The following PDS5B variants were observed in gnomAD, a reference collection of about 807,000 sequenced individuals.
PDS5B encodes the protein PDS5 cohesin associated factor B.
A neutral mutation model predicts 184.1 loss-of-function variants in PDS5B; 51 were observed. The ratio of observed to expected loss-of-function variants is 0.28; its 90% CI spans 0.22 to 0.35. PDS5B has a LOEUF of 0.35. Among genes scored for constraint, PDS5B ranks in the 10% least tolerant of loss-of-function variants. The probability of loss-of-function intolerance (pLI) is 1.00; values close to 1 mark genes in which losing one functional copy is unlikely to be tolerated. For synonymous variants in PDS5B, 566 were observed against 569.2 expected, an observed-to-expected ratio of 0.99 and a Z score of 0.08; for missense variants, 1,180 against 1,723.3, an observed-to-expected ratio of 0.68 and a Z score of 5.58.
chr13:32,659,465 G>T (rs1950591833), intron 6 of PDS5B, among the ~76,000 whole-genome samples, 185 bp downstream of exon 6: 1 of 152,154 alleles, frequency 6.6e-6, no homozygotes, highest in Admixed American at 6.6e-5. Context: ...TAACTAATAA[G>T]AAATTGTAGA....
intron 19 of PDS5B, among the ~76,000 whole-genome samples, chr13:32,726,080 G>A (rs1308353302): frequency 6.7e-6 from 1 of 149,354 alleles, no homozygotes; most frequent in African/African-American, 2.5e-5. Context: ...TCTAAAGGAA[G>A]CAAGATAAAT....
intron 3 of PDS5B, among the ~76,000 whole-genome samples, chr13:32,653,823 G>A (rs1593344463): frequency 6.6e-6 from 1 of 152,110 alleles, no homozygotes; most frequent in South Asian, 2.1e-4. Context: ...TGGCTCTCCC[G>A]TACTAGATGT....
At chr13:32,755,801 C>G (rs1566414520) in intron 25 of PDS5B, 41 bp from the exon 26 acceptor site, 1 of 999,024 alleles carries the variant, frequency 1.0e-6, no homozygotes. Context: ...TTTGCTTTTT[C>G]TTTTGTTTTT....
intron 18 of PDS5B, among the ~76,000 whole-genome samples, chr13:32,707,790 AAAT>A (rs1952073601): frequency 6.6e-6 from 1 of 151,244 alleles, no homozygotes. Context: ...CTCATAGTAA[AAAT>A]AATAATAAAC....
chr13:32,679,850 C>T (rs1417292277), intron 10 of PDS5B, among the ~76,000 whole-genome samples: 1 of 150,718 alleles, frequency 6.6e-6, no homozygotes, highest in Non-Finnish European at 1.5e-5. Flanking sequence ...CCATCCTCCT[C>T]CCTTCTTTTT....
At chr13:32,701,017 C>A (rs1951846562) in intron 16 of PDS5B, 1 of 169,952 alleles carries the variant, frequency 5.9e-6, no homozygotes, top group African/African-American at 2.4e-5. Context: ...TATTTTTATT[C>A]TTTTGGAATA....
chr13:32,733,408 A>G (rs1953193398), intron 20 of PDS5B, among the ~76,000 whole-genome samples: 1 of 152,172 alleles, frequency 6.6e-6, no homozygotes, highest in South Asian at 2.1e-4. Flanking sequence ...TGTTATGGAA[A>G]ATTACCAAAC....
intron 23 of PDS5B, 113 bp downstream of exon 23, chr13:32,742,840 T>C (rs1953607659): frequency 1.1e-6 from 1 of 917,232 alleles, no homozygotes; most frequent in Admixed American, 2.6e-5. Context: ...AATTGCTTTG[T>C]ACATGTGCAT....
intron 1 of PDS5B, among the ~76,000 whole-genome samples, chr13:32,624,910 C>T (rs188694205): frequency 1.3e-5 from 2 of 151,992 alleles, no homozygotes. Context: ...TTTTTTTGTG[C>T]AGATAAGAGA....
At chr13:32,741,024 A>G in intron 21 of PDS5B, 56 bp from the exon 22 acceptor site, 6 of 979,846 alleles carry the variant, frequency 6.1e-6, no homozygotes, top group South Asian at 1.4e-5. Flanking sequence ...ATTGAAAAGA[A>G]TTCATATTTA....
In PDS5B at chr13:32,664,175, A is replaced by T. The variant is rs181027333; in HGVS notation, c.625-3589A>T. Reference sequence around the variant, plus strand: ...AAGCATGCTATTTTTAATCCTCATTATAGTAGGTGTGTTATATTAGTGGAA... The same window carrying T: ...AAGCATGCTATTTTTAATCCTCATTTTAGTAGGTGTGTTATATTAGTGGAA... On this transcript the variant is annotated intron_variant, in intron 6 of 34. Transcript: ENST00000315596. Among the ~76,000 whole-genome samples, 10 of 152,310 alleles carry T rather than the reference A, an allele frequency of 6.6e-5. No individual in the cohort carries two copies. In the East Asian group the frequency reaches 1.9e-3, roughly 29 times the overall value.
At chr13:32,713,296 G>T (rs1179611558) in intron 19 of PDS5B, among the ~76,000 whole-genome samples, 1 of 152,128 alleles carries the variant, frequency 6.6e-6, no homozygotes, top group Admixed American at 6.5e-5. Context: ...TGTTTAAATA[G>T]CAAAGCCAGA....
At chr13:32,642,612 G>C (rs1950126982) in intron 1 of PDS5B, among the ~76,000 whole-genome samples, 1 of 152,098 alleles carries the variant, frequency 6.6e-6, no homozygotes, top group African/African-American at 2.4e-5. Context: ...TTACAATGCT[G>C]TTCATAAGAC....
At position 32,660,854 on chromosome 13, in the gene PDS5B, C is replaced by T. The variant is rs532751802; in HGVS notation, c.624+1574C>T. Among the ~76,000 whole-genome samples, 3 of 152,180 alleles carry T rather than the reference C, an allele frequency of 2.0e-5. No homozygotes were observed. The East Asian group carries it at 5.8e-4, about 29-fold the overall frequency. ...TCTTTCCACCAAGTACTTATAGATT[C>T]AATCTTTTGCTTAGTCCATTTAGCT... On this transcript the variant is annotated intron_variant, in intron 6 of 34. Coordinates refer to ENST00000315596, the MANE Select transcript of PDS5B (RefSeq NM_015032.4).
At chr13:32,676,080 G>GT (rs1484666562) in intron 9 of PDS5B, 121 bp downstream of exon 9, 13 of 582,690 alleles carry the variant, frequency 2.2e-5, no homozygotes, top group African/African-American at 3.7e-5. Context: ...GATTTTTTAT[G>GT]TTGAAAGTTT....
chr13:32,620,058 C>G (rs905216826), intron 1 of PDS5B, among the ~76,000 whole-genome samples: 1 of 152,100 alleles, frequency 6.6e-6, no homozygotes, highest in Non-Finnish European at 1.5e-5. Flanking sequence ...CTCGGCCTCC[C>G]AAAGTGCTAG....
intron 19 of PDS5B, among the ~76,000 whole-genome samples, chr13:32,715,655 C>T (rs946574899): frequency 2.9e-4 from 44 of 152,078 alleles, no homozygotes; most frequent in Non-Finnish European, 5.7e-4. Context: ...ATCCCTCTCC[C>T]TCTCCCCACG....
chr13:32,609,316 G>T (rs1190378892), intron 1 of PDS5B, among the ~76,000 whole-genome samples: 1 of 152,056 alleles, frequency 6.6e-6, no homozygotes, highest in Non-Finnish European at 1.5e-5. Flanking sequence ...GAAAAGGTGA[G>T]AAAAGAATAA....
chr13:32,753,791 T>C (rs1380202140), intron 25 of PDS5B, among the ~76,000 whole-genome samples: 2 of 152,204 alleles, frequency 1.3e-5, no homozygotes, highest in African/African-American at 4.8e-5. Context: ...GGAGGTACTT[T>C]TAACAGAATA....
Sources: allele counts gnomAD v4.1 joint callset (sites outside exome capture counted in the v4.1 genomes callset), GRCh38; gene constraint gnomAD v4.1.1; transcripts MANE v1.5; gene names NCBI Gene and HGNC (gene_info 2026-07-23, HGNC 2026-07-21).